Variants in KHDRBS2 observed in about 807,000 individuals in gnomAD.
KHDRBS2 encodes KH RNA binding domain containing, signal transduction associated 2, also known as KH domain-containing, RNA-binding, signal transduction-associated protein 2.
KHDRBS2 carries 26 observed loss-of-function variants against 44.3 expected under a neutral mutation model. The observed-to-expected ratio is 0.59, with a 90% CI of 0.43 to 0.81. The LOEUF is 0.81. KHDRBS2 is among the 40% of genes least tolerant of loss of function. KHDRBS2 has a pLI of 0.00. For missense variants in KHDRBS2, 476 were observed against 433.1 expected (o/e 1.10, Z -0.88); for synonymous variants, 194 against 151.1 (o/e 1.28, Z -2.08).
the KHDRBS2 span, among the ~76,000 whole-genome samples, chr6:61,616,931 C>A: frequency 7.2e-5 from 11 of 152,114 alleles, no homozygotes; most frequent in African/African-American, 2.7e-4. Flanking sequence ...GTTAAGATGA[C>A]TACTTTAATT....
intron 7 of KHDRBS2, among the ~76,000 whole-genome samples, chr6:61,728,288 AG>A (rs950974778): frequency 1.6e-4 from 24 of 151,056 alleles, no homozygotes; most frequent in African/African-American, 5.4e-4. Context: ...GGCCTCTTGG[AG>A]GGGGGTTGTG....
intron 6 of KHDRBS2, among the ~76,000 whole-genome samples, chr6:61,772,477 G>A (rs957972789): frequency 1.3e-5 from 2 of 151,736 alleles, no homozygotes; most frequent in African/African-American, 4.8e-5. Flanking sequence ...ATGACAAAGG[G>A]GATATCACCA....
At chr6:62,143,041 T>C (rs1813186971) in intron 2 of KHDRBS2, among the ~76,000 whole-genome samples, 1 of 151,868 alleles carries the variant, frequency 6.6e-6, no homozygotes, top group Admixed American at 6.6e-5. Context: ...CTTTAATTTC[T>C]GCATCTGTGA....
the KHDRBS2 span, among the ~76,000 whole-genome samples, chr6:61,645,429 C>G: frequency 3.2e-3 from 487 of 150,582 alleles, 6 homozygotes; most frequent in Admixed American, 0.022. Flanking sequence ...ATGAATGTAC[C>G]TACATAAGAA....
chr6:61,650,409 GT>G, the KHDRBS2 span, among the ~76,000 whole-genome samples: 87,694 of 148,708 alleles, frequency 0.59, 25,856 homozygotes, highest in African/African-American at 0.61. Context: ...TTAAAAAAAT[GT>G]TTTTTTTTTT....
At chr6:61,813,518 G>C (rs1788441601) in intron 6 of KHDRBS2, among the ~76,000 whole-genome samples, 1 of 152,158 alleles carries the variant, frequency 6.6e-6, no homozygotes, top group South Asian at 2.1e-4. Context: ...CTGTGGTTTT[G>C]AGATGGTGTA....
chr6:61,726,433 C>T (rs897190879), intron 7 of KHDRBS2, among the ~76,000 whole-genome samples: 1 of 152,182 alleles, frequency 6.6e-6, no homozygotes, highest in Non-Finnish European at 1.5e-5. Flanking sequence ...GGCAATCAGG[C>T]AAGAGAAAGA....
chr6:62,186,117 C>A (rs1375372971), intron 1 of KHDRBS2, among the ~76,000 whole-genome samples: 1 of 152,016 alleles, frequency 6.6e-6, no homozygotes, highest in Non-Finnish European at 1.5e-5. Context: ...TGACACTTGC[C>A]AACAAGTGAT....
chr6:61,573,777 G>A, the KHDRBS2 span, among the ~76,000 whole-genome samples: 12 of 141,104 alleles, frequency 8.5e-5, no homozygotes, highest in South Asian at 6.9e-4. Flanking sequence ...CAACAAGAGC[G>A]AAACTCTGTC....
chr6:62,234,179 G>C (rs1362531572), intron 1 of KHDRBS2, among the ~76,000 whole-genome samples: 1 of 152,028 alleles, frequency 6.6e-6, no homozygotes, highest in Non-Finnish European at 1.5e-5. Context: ...TCTATGCTTT[G>C]GAATGATCAA....
intron 3 of KHDRBS2, among the ~76,000 whole-genome samples, chr6:62,042,693 G>GT (rs1445146225): frequency 1.3e-5 from 2 of 152,012 alleles, no homozygotes; most frequent in East Asian, 1.9e-4. Context: ...CTCTTTGAAG[G>GT]TTTTTTGTTG....
At chr6:61,725,608 G>C (rs1773422355) in intron 7 of KHDRBS2, among the ~76,000 whole-genome samples, 1 of 151,844 alleles carries the variant, frequency 6.6e-6, no homozygotes, top group Non-Finnish European at 1.5e-5. Flanking sequence ...ATGATAAGGG[G>C]GATATCACCA....
At chr6:61,790,458 G>A (rs1471424253) in intron 6 of KHDRBS2, among the ~76,000 whole-genome samples, 2 of 147,086 alleles carry the variant, frequency 1.4e-5, no homozygotes, top group Admixed American at 6.8e-5. Context: ...GAACCAATAA[G>A]AATAATTCTT....
the KHDRBS2 span, among the ~76,000 whole-genome samples, chr6:61,577,854 A>G: frequency 3.9e-5 from 6 of 152,190 alleles, no homozygotes; most frequent in Non-Finnish European, 8.8e-5. Context: ...AGAGCTGTAA[A>G]CATTTTAGTT....
At chr6:61,791,798 TTG>T (rs1784677264) in intron 6 of KHDRBS2, among the ~76,000 whole-genome samples, 1 of 151,482 alleles carries the variant, frequency 6.6e-6, no homozygotes, top group Non-Finnish European at 1.5e-5. Flanking sequence ...ACATAACTAG[TTG>T]TGTTTTCTTT....
the KHDRBS2 span, among the ~76,000 whole-genome samples, chr6:61,578,247 C>T: frequency 1.2e-4 from 18 of 152,098 alleles, no homozygotes; most frequent in Admixed American, 1.2e-3. Context: ...TCATTACTGG[C>T]ACATTGCATC....
At chr6:61,687,666 C>A (rs1194365320) in intron 8 of KHDRBS2, among the ~76,000 whole-genome samples, 2 of 151,784 alleles carry the variant, frequency 1.3e-5, no homozygotes, top group South Asian at 2.1e-4. Flanking sequence ...TGCTTAATAT[C>A]TCCAATTTAC....
At chr6:62,250,194 C>A (rs552766423) in intron 1 of KHDRBS2, among the ~76,000 whole-genome samples, 1 of 152,136 alleles carries the variant, frequency 6.6e-6, no homozygotes, top group Non-Finnish European at 1.5e-5. Context: ...AGAGGACAAA[C>A]GATCAGCTAT....
chr6:62,137,291 G>A (rs866402599), intron 2 of KHDRBS2, among the ~76,000 whole-genome samples: 3 of 152,202 alleles, frequency 2.0e-5, no homozygotes, highest in Middle Eastern at 3.4e-3. Context: ...GTGAGCCACC[G>A]CGCCCAGCTC....
Sources: allele counts gnomAD v4.1 joint callset (sites outside exome capture counted in the v4.1 genomes callset), GRCh38; gene constraint gnomAD v4.1.1; transcripts MANE v1.5; gene names NCBI Gene and HGNC (gene_info 2026-07-23, HGNC 2026-07-21).